ST3GAL1: variants seen among roughly 807,000 people sequenced by gnomAD.
ST3GAL1 encodes the protein ST3 beta-galactoside alpha-2,3-sialyltransferase 1, also known as CMP-N-acetylneuraminate-beta-galactosamide-alpha-2,3-sialyltransferase 1.
In ST3GAL1, 16 loss-of-function variants were observed where a neutral mutation model predicts 34.1. That is an observed-to-expected ratio of 0.47 (90% CI 0.32 to 0.71). ST3GAL1 has a LOEUF of 0.71. ST3GAL1 is among the 30% of genes least tolerant of loss of function. The pLI is 0.04. For missense variants in ST3GAL1, 353 were observed against 447.4 expected (o/e 0.79, Z 1.90); for synonymous variants, 191 against 184.7 (o/e 1.03, Z -0.28).
At chr8:133,560,613 G>A (rs1167804994) in intron 1 of ST3GAL1, among the ~76,000 whole-genome samples, 1 of 152,232 alleles carries the variant, frequency 6.6e-6, no homozygotes, top group African/African-American at 2.4e-5. Flanking sequence ...AGCACGTCTC[G>A]TGGGCTGGGC....
intron 1 of ST3GAL1, among the ~76,000 whole-genome samples, chr8:133,562,622 G>C (rs572142065): frequency 6.6e-6 from 1 of 152,082 alleles, no homozygotes; most frequent in African/African-American, 2.4e-5. Flanking sequence ...GGGTTGTTCC[G>C]GGTGTTTGAG....
chr8:133,513,142 G>C (rs1002554124), intron 2 of ST3GAL1, among the ~76,000 whole-genome samples: 4 of 152,192 alleles, frequency 2.6e-5, no homozygotes, highest in African/African-American at 4.8e-5. Flanking sequence ...AAGATCAGAG[G>C]AGAGGCACAG....
chr8:133,559,719 T>G (rs929742659), intron 1 of ST3GAL1, among the ~76,000 whole-genome samples: 1 of 152,224 alleles, frequency 6.6e-6, no homozygotes, highest in Non-Finnish European at 1.5e-5. Context: ...TTTTCCAAGG[T>G]TGCAACAGCG....
At chr8:133,567,307 T>C (rs563387732) in intron 1 of ST3GAL1, 2 of 152,336 alleles carry the variant, frequency 1.3e-5, no homozygotes, top group East Asian at 3.9e-4. Context: ...ATCTCCGCAC[T>C]TTGCATGGTG....
At chr8:133,477,390 T>C (rs1816219502) in intron 3 of ST3GAL1, among the ~76,000 whole-genome samples, 1 of 152,236 alleles carries the variant, frequency 6.6e-6, no homozygotes, top group Non-Finnish European at 1.5e-5. Flanking sequence ...CCTCAGAATA[T>C]ACTGTCAGCT....
intron 6 of ST3GAL1, 66 bp from the exon 7 acceptor site, chr8:133,465,023 C>G: frequency 6.6e-7 from 1 of 1,519,074 alleles, no homozygotes; most frequent in Non-Finnish European, 8.9e-7. Flanking sequence ...AGCCTGAGAG[C>G]TCCGAGAGAG....
chr8:133,490,003 T>C (rs1816738702), intron 3 of ST3GAL1, among the ~76,000 whole-genome samples: 1 of 152,198 alleles, frequency 6.6e-6, no homozygotes, highest in Non-Finnish European at 1.5e-5. Flanking sequence ...CCAACTTATC[T>C]GTGCATGCCT....
rs540084580 is a variant in ST3GAL1 at position 133,476,892 on chromosome 8, G to A, written c.-373-292C>T. 6.6e-5 allele frequency among the ~76,000 whole-genome samples: 10 copies of A among 152,228 alleles called. No individual in the cohort carries two copies. The East Asian group carries it at 7.7e-4, about 12-fold the overall frequency. ...TCAACAAACATTTGTCAAAGAGCTCGTGATGCATGTAGGTACAATATACAC... is the reference window on the plus strand; with the variant it reads ...TCAACAAACATTTGTCAAAGAGCTCATGATGCATGTAGGTACAATATACAC... On this transcript the variant is annotated intron_variant, in intron 3 of 9. Coordinates refer to ENST00000522652, the MANE Select transcript of ST3GAL1 (RefSeq NM_173344.3).
intron 3 of ST3GAL1, among the ~76,000 whole-genome samples, chr8:133,491,389 T>C (rs544078609): frequency 6.6e-6 from 1 of 151,936 alleles, no homozygotes; most frequent in South Asian, 2.1e-4. Flanking sequence ...CCCATTTGGG[T>C]GGTGCTGGAG....
intron 2 of ST3GAL1, chr8:133,515,447 G>A (rs776069624): frequency 1.3e-5 from 2 of 152,166 alleles, no homozygotes; most frequent in Non-Finnish European, 2.9e-5. Flanking sequence ...GTTGTCCTCC[G>A]GGTAATGAGT....
At chr8:133,481,929 T>G (rs12550152) in intron 3 of ST3GAL1, among the ~76,000 whole-genome samples, 13,709 of 152,016 alleles carry the variant, frequency 0.09, 703 homozygotes, top group Admixed American at 0.15. Flanking sequence ...TGTGGTTGTT[T>G]TTGCTCTAGG....
intron 2 of ST3GAL1, among the ~76,000 whole-genome samples, chr8:133,533,882 C>T (rs188075070): frequency 2.6e-5 from 4 of 152,350 alleles, no homozygotes; most frequent in Admixed American, 2.6e-4. Context: ...ATGATGATGA[C>T]ATACGTTAAT....
At chr8:133,519,939 G>T (rs191950429) in intron 2 of ST3GAL1, among the ~76,000 whole-genome samples, 3 of 152,300 alleles carry the variant, frequency 2.0e-5, no homozygotes, top group African/African-American at 7.2e-5. Context: ...GAAAGAGTGA[G>T]ACTCTGTCTC....
intron 1 of ST3GAL1, among the ~76,000 whole-genome samples, chr8:133,548,478 C>T (rs1340025099): frequency 6.6e-6 from 1 of 152,234 alleles, no homozygotes; most frequent in Non-Finnish European, 1.5e-5. Flanking sequence ...ACGTTAACTC[C>T]ATAAGGGCAA....
At chr8:133,569,614 T>G (rs1164662634) in intron 1 of ST3GAL1, among the ~76,000 whole-genome samples, 1 of 151,040 alleles carries the variant, frequency 6.6e-6, no homozygotes, top group Non-Finnish European at 1.5e-5. Flanking sequence ...GGGCACGGAG[T>G]GGTGAACTCT....
At chr8:133,565,385 G>C (rs1819363715) in intron 1 of ST3GAL1, among the ~76,000 whole-genome samples, 1 of 152,134 alleles carries the variant, frequency 6.6e-6, no homozygotes, top group African/African-American at 2.4e-5. Context: ...TGAGGAGGGG[G>C]CCTTGTGGTC....
chr8:133,522,272 C>T (rs1332413756), intron 2 of ST3GAL1, among the ~76,000 whole-genome samples: 3 of 152,214 alleles, frequency 2.0e-5, no homozygotes, highest in Non-Finnish European at 4.4e-5. Context: ...GACCCAGCAA[C>T]ATTTTTTAAA....
chr8:133,470,045 G>A (rs79204665), intron 5 of ST3GAL1, among the ~76,000 whole-genome samples: 12,656 of 152,260 alleles, frequency 0.083, 577 homozygotes, highest in Admixed American at 0.16. Context: ...AGATGGAGCA[G>A]GCAGGTTACT....
chr8:133,512,074 T>C (rs765233268), intron 2 of ST3GAL1, among the ~76,000 whole-genome samples: 6 of 151,822 alleles, frequency 4.0e-5, no homozygotes, highest in Non-Finnish European at 7.4e-5. Flanking sequence ...AACAAAAATA[T>C]TAAGAAGAAT....
Sources: allele counts gnomAD v4.1 joint callset (sites outside exome capture counted in the v4.1 genomes callset), GRCh38; gene constraint gnomAD v4.1.1; transcripts MANE v1.5; gene names NCBI Gene and HGNC (gene_info 2026-07-23, HGNC 2026-07-21).